The following RALGAPB variants were observed in gnomAD, a reference collection of about 807,000 sequenced individuals.
RALGAPB encodes the protein ral GTPase-activating protein subunit beta.
A neutral mutation model predicts 161.1 loss-of-function variants in RALGAPB; 25 were observed. The observed-to-expected ratio is 0.16, with a 90% CI of 0.11 to 0.22. The LOEUF (loss-of-function observed/expected upper bound fraction) is 0.22. Ranked by LOEUF, RALGAPB falls within the 10% of genes least tolerant of loss-of-function variation. The pLI is 1.00. For missense variants in RALGAPB, 1,391 were observed against 1,815.2 expected (o/e 0.77, Z 4.25); for synonymous variants, 629 against 626.1 (o/e 1.00, Z -0.07).
intron 11 of RALGAPB, among the ~76,000 whole-genome samples, 191 bp from the exon 12 acceptor site, chr20:38,525,213 A>G (rs1486920651): frequency 6.6e-6 from 1 of 152,244 alleles, no homozygotes; most frequent in South Asian, 2.1e-4. Context: ...TTTGTAGAGT[A>G]GGCCTTACGT....
chr20:38,572,136 A>C (rs1333464499), intron 28 of RALGAPB, among the ~76,000 whole-genome samples: 1 of 152,222 alleles, frequency 6.6e-6, no homozygotes, highest in African/African-American at 2.4e-5. Context: ...CAGTGTGGCC[A>C]AATAGCAGTT....
intron 29 of RALGAPB, 142 bp from the exon 30 acceptor site, chr20:38,574,632 G>C: frequency 2.5e-6 from 2 of 808,590 alleles, no homozygotes; most frequent in Non-Finnish European, 4.0e-6. Context: ...TTAGCACTAT[G>C]TCTATCTCTC....
At chr20:38,537,161 A>G (rs1297309058) in intron 16 of RALGAPB, among the ~76,000 whole-genome samples, 1 of 152,196 alleles carries the variant, frequency 6.6e-6, no homozygotes, top group African/African-American at 2.4e-5. Context: ...GGACAAATTG[A>G]TCGGTGGAAG....
intron 21 of RALGAPB, among the ~76,000 whole-genome samples, chr20:38,551,740 A>T (rs2087382473): frequency 6.6e-6 from 1 of 152,208 alleles, no homozygotes; most frequent in African/African-American, 2.4e-5. Context: ...AGATTTGGGA[A>T]GATGGGAAAA....
intron 2 of RALGAPB, among the ~76,000 whole-genome samples, chr20:38,490,609 C>T (rs1487664960): frequency 9.2e-5 from 14 of 151,854 alleles, no homozygotes; most frequent in Non-Finnish European, 1.5e-4. Context: ...CAGGTTCAAG[C>T]GATTCTACTG....
Position 38,505,995 on chromosome 20 carries a change from C to A in RALGAPB, c.741-3082C>A, listed in dbSNP as rs144756303. On this transcript the variant is annotated intron_variant, in intron 5 of 29. Transcript: ENST00000262879. ...TCCATGGACACAGCCAGTCAGAGAT[C>A]AAAAATATTTGGCAAAAAATTTCAC... is the stretch of plus-strand genomic sequence containing the variant. Among the ~76,000 whole-genome samples the A allele has an allele frequency of 1.9e-3, 292 of 152,104 alleles. 1 individual carries two copies. The highest frequency in any genetic ancestry group is 3.4e-3 in the Non-Finnish European group (229 of 68,004).
intron 6 of RALGAPB, among the ~76,000 whole-genome samples, chr20:38,515,238 A>G (rs1161862397): frequency 6.6e-6 from 1 of 152,192 alleles, no homozygotes; most frequent in Non-Finnish European, 1.5e-5. Context: ...TTTTTCTTAC[A>G]TGCACACACG....
chr20:38,475,105 A>G (rs775346519), intron 1 of RALGAPB, among the ~76,000 whole-genome samples: 4 of 152,198 alleles, frequency 2.6e-5, no homozygotes, highest in Non-Finnish European at 5.9e-5. Context: ...TTCTATCACA[A>G]TCGGACGCAA....
Position 38,503,435 on chromosome 20 carries a change from A to G in RALGAPB, c.740+3802A>G, listed in dbSNP as rs552668931. On this transcript the variant is annotated intron_variant, in intron 5 of 29. Transcript: ENST00000262879. The stretch of plus-strand genomic sequence containing the variant: ...CTAATGAATGACTCTGAGGGGTTCA[A>G]AGCTTCAGTGGAAGAAGTCACTGCA... Among the ~76,000 whole-genome samples the G allele has an allele frequency of 7.9e-5, 12 of 152,322 alleles. No homozygotes were observed. The East Asian group carries it at 9.6e-4, about 12-fold the overall frequency.
chr20:38,492,799 C>T, intron 2 of RALGAPB, 131 bp from the exon 3 acceptor site: 1 of 673,684 alleles, frequency 1.5e-6, no homozygotes, highest in Non-Finnish European at 2.5e-6. Context: ...TAAAATAAAT[C>T]TGATATTTAC....
intron 4 of RALGAPB, among the ~76,000 whole-genome samples, chr20:38,499,178 C>A (rs1253222069): frequency 6.6e-6 from 1 of 152,086 alleles, no homozygotes; most frequent in Non-Finnish European, 1.5e-5. Context: ...TCCCTCTGTC[C>A]CCCTTGCTGG....
In RALGAPB at chr20:38,539,854, C is replaced by T; in HGVS notation, c.2458C>T (p.Arg820Trp). The T allele has an allele frequency of 1.2e-6, 2 of 1,614,048 alleles. No homozygotes were observed. Among genetic ancestry groups the T allele is most frequent in the Non-Finnish European group, 1.7e-6 (2 of 1,179,970 alleles). Residue 820 changes from arginine (R) to tryptophan (W), a missense_variant, in exon 17 of 30, where the codon CGG becomes TGG. Arg to Trp is a moderately radical substitution (Grantham distance 101, BLOSUM62 -3). Around this residue, in one of 3 missense-constraint regions of RALGAPB, gnomAD observed 946 missense variants for 1,257.2 expected, o/e 0.75. Coordinates refer to ENST00000262879, the MANE Select transcript of RALGAPB (RefSeq NM_020336.4). ...CACCTACATTGTTTATCAGTGTAGT[C>T]GGCCAGCTCCTTTACACTCCAGGGA... ...VCTYIVYQCS[R>W]PAPLHSRDLH...
chr20:38,541,565 C>A (rs1288407520), intron 18 of RALGAPB, among the ~76,000 whole-genome samples: 2 of 152,104 alleles, frequency 1.3e-5, no homozygotes, highest in East Asian at 3.9e-4. Flanking sequence ...GGTCTGTATT[C>A]TCTGCTATAC....
In RALGAPB at chr20:38,551,095, G is replaced by A. The variant is rs2087359001; in HGVS notation, c.3034G>A (p.Val1012Ile). The change falls in exon 21 of 30, where the codon GTT (valine) becomes ATT (isoleucine). Residue 1012 changes from valine (V) to isoleucine (I), a missense_variant. Physicochemically the swap from Val to Ile is conservative, Grantham distance 29. This residue lies in a region of RALGAPB where 946 missense variants were observed against 1,257.2 expected (regional missense o/e 0.75). Coordinates refer to ENST00000262879, the MANE Select transcript of RALGAPB (RefSeq NM_020336.4). The stretch of plus-strand genomic sequence containing the variant: ...GCTTTTTGTACCTGAACCTCGCCCA[G>A]TTCCTAAAAATGACGTTGGATTTAA... ...QKLFVPEPRPVPKNDVGFKYS... is the reference protein window; with the variant it reads ...QKLFVPEPRPIPKNDVGFKYS... 1 of 1,613,928 alleles carries A rather than the reference G, an allele frequency of 6.2e-7. No homozygotes were observed.
chr20:38,508,712 T>G (rs779955817), intron 5 of RALGAPB, among the ~76,000 whole-genome samples: 1 of 152,220 alleles, frequency 6.6e-6, no homozygotes, highest in Non-Finnish European at 1.5e-5. Flanking sequence ...GCATATACTC[T>G]TCTTCCCAGC....
At chr20:38,554,125 CA>C (rs767533930) in intron 22 of RALGAPB, 49 bp downstream of exon 22, 4 of 1,445,640 alleles carry the variant, frequency 2.8e-6, no homozygotes, top group Non-Finnish European at 3.9e-6. Context: ...AGTTAACATT[CA>C]GCTGACAATA....
intron 3 of RALGAPB, among the ~76,000 whole-genome samples, chr20:38,493,989 T>A (rs1248306673): frequency 3.9e-5 from 6 of 152,216 alleles, no homozygotes; most frequent in Admixed American, 3.3e-4. Flanking sequence ...CTTTTTGTCT[T>A]CTTCCTCTTC....
At chr20:38,542,970 A>G (rs2087022686) in intron 18 of RALGAPB, among the ~76,000 whole-genome samples, 1 of 152,226 alleles carries the variant, frequency 6.6e-6, no homozygotes, top group African/African-American at 2.4e-5. Flanking sequence ...TCTTCATTAT[A>G]CAAAAATAAG....
Position 38,574,800 on chromosome 20 carries a change from A to AACATTTG in RALGAPB, c.4319_4325dup (p.Cys1442Ter). ...CTTTCTGGTGAGGCAGACTGTAATT[A>AACATTTG]ACATTTGTAGAAGAAAGAGACTGGA... On this transcript the variant is annotated stop_gained and frameshift_variant, in exon 30 of 30. Transcript: ENST00000262879. LOFTEE classifies it high-confidence loss of function. 6.2e-7 allele frequency: 1 copy of AACATTTG among 1,614,052 alleles called. No individual in the cohort carries two copies. Among genetic ancestry groups the AACATTTG allele is most frequent in the Non-Finnish European group, 8.5e-7 (1 of 1,179,886 alleles).
Sources: allele counts gnomAD v4.1 joint callset (sites outside exome capture counted in the v4.1 genomes callset), GRCh38; gene constraint gnomAD v4.1.1; regional missense constraint gnomAD v4.1.1; transcripts MANE v1.5; gene names NCBI Gene and HGNC (gene_info 2026-07-23, HGNC 2026-07-21).